The following MEF2A variants were observed in gnomAD, a reference collection of about 807,000 sequenced individuals.
MEF2A encodes the protein myocyte-specific enhancer factor 2A.
Under a neutral mutation model 55.8 loss-of-function variants are expected in MEF2A, and 28 were observed. That is an observed-to-expected ratio of 0.50 (90% CI 0.37 to 0.69). MEF2A has a LOEUF of 0.69. Among genes scored for constraint, MEF2A ranks in the 30% least tolerant of loss-of-function variants. MEF2A has a pLI of 0.00. For missense variants in MEF2A, 528 were observed against 626.2 expected, an observed-to-expected ratio of 0.84 and a Z score of 1.67; for synonymous variants, 239 against 227.1, an observed-to-expected ratio of 1.05 and a Z score of -0.47.
At chr15:99,642,165 C>T (rs1220551404) in intron 3 of MEF2A, among the ~76,000 whole-genome samples, 2 of 152,094 alleles carry the variant, frequency 1.3e-5, no homozygotes, top group African/African-American at 2.4e-5. Flanking sequence ...CCCAGAACAT[C>T]GTAGAGATTT....
chr15:99,707,477 A>C (rs2058161414), intron 10 of MEF2A, among the ~76,000 whole-genome samples: 1 of 152,134 alleles, frequency 6.6e-6, no homozygotes, highest in South Asian at 2.1e-4. Context: ...TAGGCATTTC[A>C]TCTTAAAATG....
intron 3 of MEF2A, among the ~76,000 whole-genome samples, chr15:99,635,526 A>C (rs2043645052): frequency 6.6e-6 from 1 of 152,194 alleles, no homozygotes; most frequent in African/African-American, 2.4e-5. Flanking sequence ...GAATTTTTGC[A>C]CAAAGAAGAA....
chr15:99,605,603 A>T (rs971752621), intron 2 of MEF2A, among the ~76,000 whole-genome samples: 1 of 151,504 alleles, frequency 6.6e-6, no homozygotes, highest in African/African-American at 2.4e-5. Flanking sequence ...GTAAATTGGT[A>T]TGCTTTTTTG....
Position 99,712,446 on chromosome 15 carries a change from T to A in MEF2A, c.1193T>A (p.Ile398Asn). ...TTATCCATTAATACCAACCAAAACA[T>A]CAGCATCAAGTCCGAACCGATTTCA... ...SNLSINTNQN[I>N]SIKSEPISPP... is the part of the protein sequence containing the mutation. Residue 398 changes from isoleucine to asparagine, a missense_variant, in exon 12 of 12, where the codon ATC becomes AAC. Around this residue, in one of 2 missense-constraint regions of MEF2A, gnomAD observed 450 missense variants for 475.3 expected, o/e 0.95. Coordinates refer to ENST00000557942, the MANE Select transcript of MEF2A (RefSeq NM_001319206.4). The surrounding 1 kb of genome is among the most constrained non-coding windows in gnomAD (Gnocchi z 4.1). 1 of 1,550,466 alleles carries A rather than the reference T, an allele frequency of 6.4e-7. No homozygotes were observed. The highest frequency in any genetic ancestry group is 1.7e-4 in the Middle Eastern group (1 of 5,990).
At position 99,569,055 on chromosome 15, in the gene MEF2A, C is replaced by T. The variant is rs113256595; in HGVS notation, c.-225+2951C>T. 9.7e-4 allele frequency among the ~76,000 whole-genome samples: 148 copies of T among 152,244 alleles called. 3 individuals are homozygous for T. Among genetic ancestry groups the T allele is most frequent in the Non-Finnish European group, 3.2e-4 (22 of 68,018 alleles). ...CAGATCACCCTTTAAGCTGGATAAC[C>T]TCGTGCAAGAGAATGCTTTTAACAT... On this transcript the variant is annotated intron_variant, in intron 1 of 11. Transcript: ENST00000557942.
intron 8 of MEF2A, among the ~76,000 whole-genome samples, chr15:99,697,915 C>T (rs1473943614): frequency 1.3e-5 from 2 of 152,098 alleles, no homozygotes; most frequent in South Asian, 2.1e-4. Flanking sequence ...AGAAAATTTA[C>T]ACCTATACGT....
At chr15:99,577,136 CTG>C (rs1301761900) in intron 1 of MEF2A, among the ~76,000 whole-genome samples, 4 of 152,270 alleles carry the variant, frequency 2.6e-5, no homozygotes, top group African/African-American at 7.2e-5. Context: ...CTTTTTAACT[CTG>C]TGTTACACAC....
chr15:99,597,418 T>A (rs1178239064), intron 1 of MEF2A, among the ~76,000 whole-genome samples: 2 of 152,144 alleles, frequency 1.3e-5, no homozygotes, highest in Non-Finnish European at 2.9e-5. Context: ...AGAGACCAGT[T>A]GATCTCAAAA....
rs1358080667 is a variant in MEF2A, at chr15:99,633,022, A to T, written c.-98A>T. ...CTGTAGCCCTTGGACTAGAAGCTGA[A>T]ATAACAGAAGCTGTGTACGATGCAT... is the stretch of plus-strand genomic sequence containing the variant. On this transcript the variant is annotated 5_prime_UTR_variant, in exon 3 of 12. Coordinates refer to ENST00000557942, the MANE Select transcript of MEF2A (RefSeq NM_001319206.4). 5 of 982,130 alleles carry T rather than the reference A, an allele frequency of 5.1e-6. No homozygotes were observed. The highest frequency in any genetic ancestry group is 4.9e-5 in the Admixed American group (2 of 40,576). The allele number at this position is 982,130 out of a possible 1,614,324, so 60.8% of individuals were successfully genotyped here. A position where few individuals can be genotyped will look rare whatever the true frequency, so the allele number is the denominator to read the frequency against.
intron 2 of MEF2A, among the ~76,000 whole-genome samples, chr15:99,604,688 A>G (rs1596414498): frequency 6.9e-6 from 1 of 144,306 alleles, no homozygotes; most frequent in African/African-American, 2.5e-5. Flanking sequence ...GTGGTTTGAC[A>G]TTGTTGGGCT....
chr15:99,624,645 C>T (rs1231328138), intron 2 of MEF2A, among the ~76,000 whole-genome samples: 1 of 152,070 alleles, frequency 6.6e-6, no homozygotes, highest in Non-Finnish European at 1.5e-5. Flanking sequence ...ATTATTTTGG[C>T]TATTTGGAGT....
intron 1 of MEF2A, among the ~76,000 whole-genome samples, chr15:99,583,141 T>G (rs1966421695): frequency 6.6e-6 from 1 of 152,148 alleles, no homozygotes; most frequent in East Asian, 1.9e-4. Flanking sequence ...TATTTTCCGT[T>G]AGTTCAGGTG....
chr15:99,700,918 G>A (rs957859851), intron 8 of MEF2A, among the ~76,000 whole-genome samples: 5 of 81,820 alleles, frequency 6.1e-5, no homozygotes, highest in African/African-American at 7.9e-5. Flanking sequence ...GAATAAATAA[G>A]GGGAAAAAGG....
chr15:99,664,541 T>G (rs751084842), intron 4 of MEF2A, among the ~76,000 whole-genome samples: 1 of 152,024 alleles, frequency 6.6e-6, no homozygotes, highest in Non-Finnish European at 1.5e-5. Flanking sequence ...ATGGAACAGA[T>G]AGAATGGAGA....
At chr15:99,581,974 G>A (rs1168435995) in intron 1 of MEF2A, among the ~76,000 whole-genome samples, 1 of 151,964 alleles carries the variant, frequency 6.6e-6, no homozygotes, top group Non-Finnish European at 1.5e-5. Context: ...TAGATTGGAG[G>A]GTTTTTCAGA....
At chr15:99,567,033 G>T (rs962682704) in intron 1 of MEF2A, among the ~76,000 whole-genome samples, 8 of 152,268 alleles carry the variant, frequency 5.3e-5, no homozygotes, top group Admixed American at 4.6e-4. Flanking sequence ...TGGAAAAGGT[G>T]AGCAATCCTG....
intron 4 of MEF2A, among the ~76,000 whole-genome samples, chr15:99,649,146 A>T (rs1567322556): frequency 2.0e-5 from 3 of 152,180 alleles, no homozygotes; most frequent in Admixed American, 2.0e-4. Context: ...ATACAGGTTT[A>T]TTTTTTTAAT....
intron 2 of MEF2A, among the ~76,000 whole-genome samples, chr15:99,601,774 A>G (rs1349752256): frequency 6.6e-6 from 1 of 151,404 alleles, no homozygotes; most frequent in African/African-American, 2.4e-5. Context: ...GTCTACATTC[A>G]TAGAAGGCAT....
At chr15:99,639,369 G>A (rs774060877) in intron 3 of MEF2A, among the ~76,000 whole-genome samples, 7 of 152,190 alleles carry the variant, frequency 4.6e-5, no homozygotes, top group Non-Finnish European at 7.4e-5. Flanking sequence ...ACATAGTGAC[G>A]TTTTCATTTG....
Sources: gnomAD v4.1 joint callset for allele counts (sites outside exome capture counted in the v4.1 genomes callset) on GRCh38, gnomAD v4.1.1 for gene constraint, gnomAD v4.1.1 regional missense constraint, Gnocchi (gnomAD v3.1) non-coding constraint, MANE v1.5 for transcripts, NCBI Gene and HGNC (gene_info 2026-07-23, HGNC 2026-07-21) for gene names.